PFN4: variants seen among roughly 807,000 people sequenced by gnomAD.
The protein encoded by PFN4 is profilin family member 4.
Under a neutral mutation model 16.3 loss-of-function variants are expected in PFN4, and 10 were observed. That is an observed-to-expected ratio of 0.61 (90% CI 0.38 to 1.04). The LOEUF is 1.04. PFN4 is among the 50% of genes least tolerant of loss of function. The pLI, the probability that PFN4 is intolerant of heterozygous loss-of-function variation, is 0.01. For missense variants in PFN4, 136 were observed against 153.6 expected, an observed-to-expected ratio of 0.89 and a Z score of 0.61; for synonymous variants, 54 against 56.9, an observed-to-expected ratio of 0.95 and a Z score of 0.23.
intron 3 of PFN4, among the ~76,000 whole-genome samples, chr2:24,120,830 C>A (rs1410087089): frequency 6.6e-6 from 1 of 151,916 alleles, no homozygotes; most frequent in Non-Finnish European, 1.5e-5. Flanking sequence ...AGCCACTGTG[C>A]CTGGCCACTG....
intron 4 of PFN4, among the ~76,000 whole-genome samples, chr2:24,117,905 A>T (rs1665977018): frequency 1.3e-5 from 2 of 152,216 alleles, no homozygotes; most frequent in South Asian, 4.1e-4. Context: ...TCATACGACC[A>T]TTTCCAAGAT....
At chr2:24,122,641 A>AT (rs1174199101) in intron 1 of PFN4, 94 bp from the exon 2 acceptor site, 31 of 753,010 alleles carry the variant, frequency 4.1e-5, no homozygotes, top group Non-Finnish European at 5.9e-5. Context: ...AGACAGTTCT[A>AT]AGATCAGCAA....
chr2:24,115,642 A>G (rs1367455481), intron 4 of PFN4, 31 bp from the exon 5 acceptor site: 4 of 1,604,842 alleles, frequency 2.5e-6, no homozygotes, highest in East Asian at 2.2e-5. Context: ...GTTATTATTT[A>G]TGAGCTGCAA....
At position 24,115,544 on chromosome 2, in the gene PFN4, C is replaced by G. The variant is rs371600660; in HGVS notation, c.*39G>C. On this transcript the variant is annotated 3_prime_UTR_variant, in exon 5 of 5. Transcript: ENST00000313213. Reference sequence around the variant, plus strand: ...TTTCTTTAGGCTCTTCAATTTTCTTCTAAAATAATAAAATTGTCTTTCATG... The same window carrying G: ...TTTCTTTAGGCTCTTCAATTTTCTTGTAAAATAATAAAATTGTCTTTCATG... The G allele has an allele frequency of 1.3e-6, 2 of 1,578,696 alleles. No individual in the cohort carries two copies. Among genetic ancestry groups the G allele is most frequent in the East Asian group, 4.5e-5 (2 of 44,718 alleles).
At chr2:24,117,614 T>C (rs771095691) in intron 4 of PFN4, among the ~76,000 whole-genome samples, 6 of 152,056 alleles carry the variant, frequency 3.9e-5, no homozygotes, top group Non-Finnish European at 5.9e-5. Flanking sequence ...AGCTAATTTT[T>C]GTATTTTTAG....
In PFN4 at chr2:24,120,277, A is replaced by AAAAC. The variant is rs1553329187; in HGVS notation, c.256-596_256-595insGTTT. Among the ~76,000 whole-genome samples, 1,052 of 151,498 alleles carry AAAAC rather than the reference A, an allele frequency of 6.9e-3. 12 individuals are homozygous for AAAAC. Among genetic ancestry groups the AAAAC allele is most frequent in the African/African-American group, 0.024 (1,000 of 41,202 alleles). On this transcript the variant is annotated intron_variant, in intron 3 of 4. Transcript: ENST00000313213. ...AAAGTGAAACTCGTCTCAAAAAAAA[A>AAAAC]AACAACAACAAAACAAAACAAAACA...
intron 4 of PFN4, among the ~76,000 whole-genome samples, chr2:24,118,810 G>A (rs1167961050): frequency 6.6e-6 from 1 of 152,202 alleles, no homozygotes; most frequent in African/African-American, 2.4e-5. Flanking sequence ...CACATGGTAA[G>A]TACCTCTGAA....
intron 4 of PFN4, among the ~76,000 whole-genome samples, chr2:24,118,280 C>G (rs1665985538): frequency 6.6e-6 from 1 of 152,184 alleles, no homozygotes; most frequent in Admixed American, 6.5e-5. Flanking sequence ...CAAATCCTGA[C>G]ATCTGTTCAG....
chr2:24,119,769 C>T lies in PFN4; in HGVS notation c.256-87G>A, dbSNP rs999799209. On this transcript the variant is annotated intron_variant, in intron 3 of 4. Coordinates refer to ENST00000313213, the MANE Select transcript of PFN4 (RefSeq NM_199346.3). ...GCTCCAGCTACGTTTTTCACCATTT[C>T]CTGATTTCCATATGTTTGGAATATA... is the stretch of plus-strand genomic sequence containing the variant. 25 of 921,686 alleles carry T rather than the reference C, an allele frequency of 2.7e-5. No homozygotes were observed. The African/African-American group carries it at 3.6e-4, about 13-fold the overall frequency. 57.1% of individuals were successfully genotyped at this position (921,686 alleles called of 1,614,324 possible). A position where few individuals can be genotyped will look rare whatever the true frequency, so the allele number is the denominator to read the frequency against.
At position 24,114,951 on chromosome 2, in the gene PFN4, A is replaced by G. The variant is rs921726057; in HGVS notation, c.*632T>C. On this transcript the variant is annotated 3_prime_UTR_variant, in exon 5 of 5. Transcript: ENST00000313213. ...TTTGAGAAGGCCTTTCCAATGTTCA[A>G]AATGATACCAGATACCTGCAAATGG... Among the ~76,000 whole-genome samples the G allele has an allele frequency of 6.6e-6, 1 of 152,196 alleles. No homozygotes were observed. Among genetic ancestry groups the G allele is most frequent in the African/African-American group, 2.4e-5 (1 of 41,454 alleles).
At chr2:24,121,083 G>A in intron 3 of PFN4, 80 bp downstream of exon 3, 1 of 1,538,744 alleles carries the variant, frequency 6.5e-7, no homozygotes, top group Non-Finnish European at 8.8e-7. Flanking sequence ...CTGTTTTACA[G>A]AAAGGATCAG....
intron 2 of PFN4, 42 bp downstream of exon 2, chr2:24,122,377 A>G: frequency 7.2e-7 from 1 of 1,380,292 alleles, no homozygotes; most frequent in Admixed American, 1.9e-5. Context: ...AATAGAAATA[A>G]TAAGTAAATC....
intron 3 of PFN4, among the ~76,000 whole-genome samples, chr2:24,120,893 G>A (rs577525603): frequency 4.0e-4 from 60 of 150,282 alleles, no homozygotes; most frequent in Non-Finnish European, 7.8e-4. Flanking sequence ...TTTTTTAAAG[G>A]AGGATGTAGA....
intron 4 of PFN4, among the ~76,000 whole-genome samples, chr2:24,118,141 C>T (rs775916393): frequency 3.3e-5 from 5 of 152,204 alleles, no homozygotes; most frequent in Non-Finnish European, 5.9e-5. Flanking sequence ...AGCCTGGCTT[C>T]CTGACAGCCA....
chr2:24,122,519 C>A lies in PFN4; in HGVS notation c.17G>T (p.Ser6Ile), dbSNP rs750324973. ...TCCCAAGAGGGTGTCTAACAATAAG[C>A]TCTGCAAATGGCTCATGTTCCCTCA... MSHLQ[S>I]LLLDTLLGTK... The change falls in exon 2 of 5, where the codon AGC (serine) becomes ATC (isoleucine). Residue 6 changes from serine to isoleucine, a missense_variant. Transcript: ENST00000313213. 6.2e-7 allele frequency: 1 copy of A among 1,613,426 alleles called. No individual in the cohort carries two copies. Among genetic ancestry groups the A allele is most frequent in the Non-Finnish European group, 8.5e-7 (1 of 1,179,524 alleles).
rs1307091031 is a variant in PFN4, at chr2:24,121,211, T to C, written c.207A>G (p.Lys69=). ...CATCTGCCCGGACACATCTGTAATC[T>C]TTTCCCTTGAAATACAGTCCTTCTC... is the stretch of plus-strand genomic sequence containing the variant. The part of the protein sequence containing the change: ...ARREGLYFKG[K]DYRCVRADEY... Residue 69 remains lysine (K), a synonymous_variant, in exon 3 of 5, where the codon AAA becomes AAG. Transcript: ENST00000313213. The C allele has an allele frequency of 3.7e-6, 6 of 1,614,064 alleles. No homozygotes were observed. Among genetic ancestry groups the C allele is most frequent in the East Asian group, 2.2e-5 (1 of 44,900 alleles).
At chr2:24,119,492 T>C in intron 4 of PFN4, 85 bp downstream of exon 4, 1 of 931,284 alleles carries the variant, frequency 1.1e-6, no homozygotes, top group Non-Finnish European at 1.7e-6. Context: ...CTGCCCTAGC[T>C]GGTTTGAGTT....
In PFN4 at chr2:24,122,326, C is replaced by CAAAAA. The variant is rs71397404; in HGVS notation, c.117+88_117+92dup. ...AAGCAACAAGAGTGAAATTCCGTCT[C>CAAAAA]AAAAAAAAAAAAAAGTCATGTCTGC... On this transcript the variant is annotated intron_variant, in intron 2 of 4. Coordinates refer to ENST00000313213, the MANE Select transcript of PFN4 (RefSeq NM_199346.3). 9.4e-3 allele frequency: 7,049 copies of CAAAAA among 745,940 alleles called. 38 individuals carry two copies. Among genetic ancestry groups the CAAAAA allele is most frequent in the South Asian group, 0.012 (727 of 59,406 alleles). 46.2% of individuals were successfully genotyped at this position (745,940 alleles called of 1,614,324 possible). A position where few individuals can be genotyped will look rare whatever the true frequency, so the allele number is the denominator to read the frequency against.
chr2:24,116,723 A>G (rs1441312135), intron 4 of PFN4, among the ~76,000 whole-genome samples: 1 of 151,696 alleles, frequency 6.6e-6, no homozygotes, highest in Non-Finnish European at 1.5e-5. Flanking sequence ...GTGTGGTGGC[A>G]GGCACCTGTA....
Sources: gnomAD v4.1 joint callset for allele counts (sites outside exome capture counted in the v4.1 genomes callset) on GRCh38, gnomAD v4.1.1 for gene constraint, MANE v1.5 for transcripts, NCBI Gene and HGNC (gene_info 2026-07-23, HGNC 2026-07-21) for gene names.